PCP4: variants seen among roughly 807,000 people sequenced by gnomAD.
PCP4 encodes Purkinje cell protein 4, also known as calmodulin regulator protein PCP4.
A neutral mutation model predicts 10.0 loss-of-function variants in PCP4; 8 were observed. That is an observed-to-expected ratio of 0.80 (90% CI 0.47 to 1.45). The LOEUF (loss-of-function observed/expected upper bound fraction) is 1.45. Among genes scored for constraint, PCP4 ranks in the 40% most tolerant of loss-of-function variants. The probability of loss-of-function intolerance (pLI) is 0.00; values close to 1 mark genes in which losing one functional copy is unlikely to be tolerated. For synonymous variants in PCP4, 21 were observed against 23.0 expected (o/e 0.91, Z 0.24); for missense variants, 54 against 74.4 (o/e 0.73, Z 1.01).
At chr21:39,895,298 A>T (rs968894752) in intron 1 of PCP4, among the ~76,000 whole-genome samples, 10 of 152,226 alleles carry the variant, frequency 6.6e-5, no homozygotes, top group African/African-American at 2.2e-4. Flanking sequence ...TGCTTATGTT[A>T]TTTAAACATT....
chr21:39,877,409 G>A (rs186505763), intron 1 of PCP4, among the ~76,000 whole-genome samples: 66 of 152,098 alleles, frequency 4.3e-4, no homozygotes, highest in Non-Finnish European at 8.8e-4. Flanking sequence ...GACCCTTGTT[G>A]GGCATGGTGG....
At chr21:39,926,596 T>C (rs1489689793) in intron 2 of PCP4, among the ~76,000 whole-genome samples, 1 of 152,106 alleles carries the variant, frequency 6.6e-6, no homozygotes, top group Admixed American at 6.6e-5. Flanking sequence ...TTATGAAAAA[T>C]GACAACTCCC....
chr21:39,896,389 C>T (rs369165746), intron 1 of PCP4, among the ~76,000 whole-genome samples: 2 of 152,164 alleles, frequency 1.3e-5, no homozygotes, highest in Non-Finnish European at 2.9e-5. Context: ...TGTTCCATCT[C>T]GGATTTGGTC....
intron 2 of PCP4, among the ~76,000 whole-genome samples, chr21:39,907,029 C>CAG (rs1180246232): frequency 1.9e-4 from 29 of 152,260 alleles, no homozygotes; most frequent in East Asian, 1.7e-3. Context: ...AAGCAAAACC[C>CAG]CACCTAGATC....
intron 1 of PCP4, among the ~76,000 whole-genome samples, chr21:39,880,295 A>C (rs1242807199): frequency 6.6e-6 from 1 of 152,166 alleles, no homozygotes; most frequent in Admixed American, 6.5e-5. Flanking sequence ...GGGAGCTTTC[A>C]AGTTGGTTTG....
chr21:39,907,486 C>A (rs1024759663), intron 2 of PCP4, among the ~76,000 whole-genome samples: 6 of 152,136 alleles, frequency 3.9e-5, no homozygotes, highest in African/African-American at 1.4e-4. Flanking sequence ...GCTGTGGCAA[C>A]TTTGCAGAGA....
intron 1 of PCP4, among the ~76,000 whole-genome samples, chr21:39,887,371 A>G (rs2087405805): frequency 6.7e-6 from 1 of 150,060 alleles, no homozygotes; most frequent in Non-Finnish European, 1.5e-5. Flanking sequence ...TTTTTTTTTA[A>G]AAAACCTTCT....
chr21:39,917,989 G>C (rs1420824726), intron 2 of PCP4, among the ~76,000 whole-genome samples: 1 of 152,116 alleles, frequency 6.6e-6, no homozygotes, highest in Non-Finnish European at 1.5e-5. Context: ...GGACACAGAG[G>C]GAAGCCATCT....
rs144916297 is a variant in PCP4 at position 39,867,988 on chromosome 21, A to T, written c.9+478A>T. On this transcript the variant is annotated intron_variant, in intron 1 of 2. Transcript: ENST00000328619. ...GTTGTACAAACTACCTCTGCAGTTAATCAGAGCACCAGGGAAAGAAATGCA... is the reference window on the plus strand; with the variant it reads ...GTTGTACAAACTACCTCTGCAGTTATTCAGAGCACCAGGGAAAGAAATGCA... Among the ~76,000 whole-genome samples the T allele has an allele frequency of 7.9e-5, 12 of 152,320 alleles. No individual in the cohort carries two copies. In the East Asian group the frequency reaches 2.3e-3, roughly 29 times the overall value.
At chr21:39,876,768 T>C (rs201644218) in intron 1 of PCP4, among the ~76,000 whole-genome samples, 1 of 152,230 alleles carries the variant, frequency 6.6e-6, no homozygotes, top group Non-Finnish European at 1.5e-5. Flanking sequence ...TTTGTGGCAG[T>C]GAAGCACCTT....
At chr21:39,892,438 T>A (rs1021123399) in intron 1 of PCP4, among the ~76,000 whole-genome samples, 2 of 152,096 alleles carry the variant, frequency 1.3e-5, no homozygotes, top group African/African-American at 2.4e-5. Context: ...TAGGTAATCC[T>A]CCACCCCACG....
chr21:39,909,251 T>G (rs2087527788), intron 2 of PCP4, among the ~76,000 whole-genome samples: 1 of 152,240 alleles, frequency 6.6e-6, no homozygotes, highest in Non-Finnish European at 1.5e-5. Context: ...CATATTGATC[T>G]GTTCTTTTAC....
intron 2 of PCP4, among the ~76,000 whole-genome samples, chr21:39,923,363 G>T (rs920350894): frequency 6.6e-6 from 1 of 152,206 alleles, no homozygotes; most frequent in African/African-American, 2.4e-5. Flanking sequence ...GCAGCATTTT[G>T]CCCTGCTTGA....
intron 1 of PCP4, among the ~76,000 whole-genome samples, chr21:39,882,487 G>A (rs1382174194): frequency 6.6e-6 from 1 of 152,228 alleles, no homozygotes; most frequent in African/African-American, 2.4e-5. Context: ...TGGCATTACT[G>A]CTGAAAGCAA....
chr21:39,884,177 CTT>C (rs954763744), intron 1 of PCP4, among the ~76,000 whole-genome samples: 1 of 144,762 alleles, frequency 6.9e-6, no homozygotes. Flanking sequence ...CATATGCAGT[CTT>C]TTTTTTTTTT....
chr21:39,869,195 A>G (rs1011263509), intron 1 of PCP4, among the ~76,000 whole-genome samples: 2 of 152,268 alleles, frequency 1.3e-5, no homozygotes, highest in South Asian at 2.1e-4. Context: ...CTACCCTGGG[A>G]TTCTGGCTCA....
At chr21:39,875,360 C>T (rs1022950463) in intron 1 of PCP4, among the ~76,000 whole-genome samples, 1 of 151,966 alleles carries the variant, frequency 6.6e-6, no homozygotes, top group African/African-American at 2.4e-5. Context: ...CTGGTCTCCT[C>T]ATCTCTGAGG....
chr21:39,917,245 G>C (rs930436111), intron 2 of PCP4, among the ~76,000 whole-genome samples: 3 of 152,338 alleles, frequency 2.0e-5, no homozygotes, highest in African/African-American at 7.2e-5. Flanking sequence ...GTGCCACCAG[G>C]CAAAGGACAC....
At chr21:39,893,109 C>T (rs965912181) in intron 1 of PCP4, among the ~76,000 whole-genome samples, 6 of 152,118 alleles carry the variant, frequency 3.9e-5, no homozygotes, top group African/African-American at 1.4e-4. Context: ...GCAGCTGCCT[C>T]TCCACTCCCC....
Sources: gnomAD v4.1 joint callset for allele counts (sites outside exome capture counted in the v4.1 genomes callset) on GRCh38, gnomAD v4.1.1 for gene constraint, MANE v1.5 for transcripts, NCBI Gene and HGNC (gene_info 2026-07-23, HGNC 2026-07-21) for gene names.